NRXN2: variants seen among roughly 807,000 people sequenced by gnomAD.
NRXN2 encodes the protein neurexin 2.
NRXN2 carries 29 observed loss-of-function variants against 128.8 expected under a neutral mutation model. The observed-to-expected ratio is 0.23, with a 90% confidence interval of 0.17 to 0.31. The LOEUF is 0.31. Ranked by LOEUF, NRXN2 falls within the 10% of genes least tolerant of loss-of-function variation. The pLI, the probability that NRXN2 is intolerant of heterozygous loss-of-function variation, is 1.00. For synonymous variants in NRXN2, 1,098 were observed against 1,075.2 expected (o/e 1.02, Z -0.41); for missense variants, 1,881 against 2,452.6 (o/e 0.77, Z 4.92).
At chr11:64,614,403 C>T (rs1479614289) in intron 22 of NRXN2, among the ~76,000 whole-genome samples, 1 of 152,174 alleles carries the variant, frequency 6.6e-6, no homozygotes, top group Non-Finnish European at 1.5e-5. Flanking sequence ...ACCCTTGGGC[C>T]CCAAATCTGC....
At chr11:64,716,090 TC>T (rs2057295994) in intron 1 of NRXN2, among the ~76,000 whole-genome samples, 2 of 152,118 alleles carry the variant, frequency 1.3e-5, no homozygotes, top group African/African-American at 2.4e-5. Flanking sequence ...CCTCCCTTCC[TC>T]CTTCCCTGCT....
At position 64,660,641 on chromosome 11, in the gene NRXN2, T is replaced by C; in HGVS notation, c.2186-106A>G. The C allele has an allele frequency of 1.3e-6, 2 of 1,590,730 alleles. No individual in the cohort carries two copies. Among genetic ancestry groups the C allele is most frequent in the East Asian group, 2.2e-5 (1 of 44,806 alleles). On this transcript the variant is annotated intron_variant, in intron 10 of 22. Transcript: ENST00000265459. The surrounding 1 kb of genome is among the most constrained non-coding windows in gnomAD (Gnocchi z 5.2). ...GGGCGAAAAGCCTAGGGCAGGTCTA[T>C]GAGGGGTTCCCCTAGGAGGAGGTGG...
intron 22 of NRXN2, among the ~76,000 whole-genome samples, chr11:64,616,212 C>G (rs376505294): frequency 3.2e-4 from 48 of 152,126 alleles, no homozygotes; most frequent in Non-Finnish European, 5.7e-4. Flanking sequence ...TGTGGGCATG[C>G]CTCTGGGGGT....
chr11:64,696,308 T>C (rs2054513243), intron 3 of NRXN2, among the ~76,000 whole-genome samples: 1 of 151,526 alleles, frequency 6.6e-6, no homozygotes, highest in Admixed American at 6.6e-5. Flanking sequence ...CAAACACAGA[T>C]GCAGACACAC....
At position 64,623,086 on chromosome 11, in the gene NRXN2, G is replaced by T. The variant is rs1419141286; in HGVS notation, c.3848-8C>A. On this transcript the variant is annotated splice_polypyrimidine_tract_variant and splice_region_variant and intron_variant, in intron 20 of 22. Transcript: ENST00000265459. This position sits in a 1 kb window ranked among gnomAD's most constrained non-coding sequence, Gnocchi z 4.9. ...AGATGGTCAGCTGGCGGCCTTGCAG[G>T]AGTGGAAGGGGGTGACAGAGAAGGG... The T allele has an allele frequency of 6.3e-7, 1 of 1,593,202 alleles. No individual in the cohort carries two copies. The highest frequency in any genetic ancestry group is 1.3e-5 in the African/African-American group (1 of 74,814).
chr11:64,638,319 G>A (rs1228134978), intron 17 of NRXN2, among the ~76,000 whole-genome samples: 2 of 152,232 alleles, frequency 1.3e-5, no homozygotes, highest in Non-Finnish European at 2.9e-5. Context: ...GGCAGAAGAG[G>A]TGAAGGATGA....
In NRXN2 at chr11:64,630,371, C is replaced by A; in HGVS notation, c.3757+31G>T. The A allele has an allele frequency of 6.3e-7, 1 of 1,597,476 alleles. No homozygotes were observed. Among genetic ancestry groups the A allele is most frequent in the South Asian group, 1.1e-5 (1 of 90,668 alleles). On this transcript the variant is annotated intron_variant, in intron 19 of 22. Transcript: ENST00000265459. This position sits in a 1 kb window ranked among gnomAD's most constrained non-coding sequence, Gnocchi z 4.6. ...CAGAGGCCGCCACCCGCCCCGCCAC[C>A]GCGCCTCCTCCGCGGGCCCGCGCCG...
In NRXN2 at chr11:64,607,732, G is replaced by T; in HGVS notation, c.4603C>A (p.Arg1535=). 1 of 1,570,388 alleles carries T rather than the reference G, an allele frequency of 6.4e-7. No homozygotes were observed. Among genetic ancestry groups the T allele is most frequent in the African/African-American group, 1.4e-5 (1 of 73,888 alleles). Residue 1535 remains arginine (R), a synonymous_variant, in exon 23 of 23, where the codon CGG becomes AGG. Transcript: ENST00000265459. Reference sequence around the variant, plus strand: ...GCCCCATCTGTCCTGAGGTTGGGCCGGGGAGCGGGTTTGCGGGGTGACAGG... The same window carrying T: ...GCCCCATCTGTCCTGAGGTTGGGCCTGGGAGCGGGTTTGCGGGGTGACAGG... ...TLLSPRKPAP[R]PNLRTDGATG...
At chr11:64,704,623 C>CACACACACACAG (rs1336665936) in intron 2 of NRXN2, among the ~76,000 whole-genome samples, 7 of 81,178 alleles carry the variant, frequency 8.6e-5, no homozygotes, top group African/African-American at 2.4e-4. Context: ...CACACACACA[C>CACACACACACAG]AGAGAGAGAG....
intron 22 of NRXN2, among the ~76,000 whole-genome samples, chr11:64,614,237 G>GTT (rs1396561216): frequency 6.6e-6 from 1 of 152,216 alleles, no homozygotes. Context: ...AGATTTAGGG[G>GTT]TTGCCCCCCG....
intron 20 of NRXN2, among the ~76,000 whole-genome samples, chr11:64,624,277 TCTCTGGGACACCCAGGC>T (rs2042785086): frequency 1.3e-5 from 2 of 152,316 alleles, no homozygotes; most frequent in South Asian, 2.1e-4. Flanking sequence ...GGAAACAGGT[TCTCTGGGACACCCAGGC>T]CTCTGGGACA....
intron 17 of NRXN2, among the ~76,000 whole-genome samples, chr11:64,638,093 C>T (rs1368624984): frequency 6.6e-6 from 1 of 152,180 alleles, no homozygotes; most frequent in Non-Finnish European, 1.5e-5. Flanking sequence ...CCAGGGAAGG[C>T]GGCCCCAGGA....
At chr11:64,678,167 G>C (rs1362617313) in intron 6 of NRXN2, among the ~76,000 whole-genome samples, 1 of 152,036 alleles carries the variant, frequency 6.6e-6, no homozygotes, top group Non-Finnish European at 1.5e-5. Flanking sequence ...CCAGAACAGG[G>C]AAAAGGAAAT....
At chr11:64,692,747 G>T in intron 4 of NRXN2, 100 bp downstream of exon 4, 2 of 1,256,908 alleles carry the variant, frequency 1.6e-6, no homozygotes, top group East Asian at 2.3e-5. Flanking sequence ...ACAGGTGGAG[G>T]AGGGGAAGGG....
chr11:64,683,844 A>G (rs912883333), intron 6 of NRXN2, among the ~76,000 whole-genome samples: 1 of 152,048 alleles, frequency 6.6e-6, no homozygotes, highest in Non-Finnish European at 1.5e-5. Flanking sequence ...CCCCAGGAAG[A>G]AGCAGCCGAG....
intron 9 of NRXN2, among the ~76,000 whole-genome samples, chr11:64,662,461 C>A (rs1288949201): frequency 1.3e-5 from 2 of 152,156 alleles, no homozygotes; most frequent in African/African-American, 4.8e-5. Flanking sequence ...CTTCCTCTGT[C>A]CTTTTTCAAG....
Position 64,688,582 on chromosome 11 carries a change from C to G in NRXN2, c.850+1823G>C, listed in dbSNP as rs760561297. ...GCCCTGAAGCACCAGGGGGCGCTCT[C>G]CCCTATCTCGCCGGTCTGGCGCGAC... On this transcript the variant is annotated intron_variant, in intron 5 of 22. Transcript: ENST00000265459. 4.1e-6 allele frequency: 4 copies of G among 985,270 alleles called. No homozygotes were observed. In the African/African-American group the frequency reaches 5.2e-5, roughly 13 times the overall value. 61.0% of individuals were successfully genotyped at this position (985,270 alleles called of 1,614,324 possible).
chr11:64,705,411 C>G (rs2056129025), intron 2 of NRXN2, among the ~76,000 whole-genome samples: 1 of 152,138 alleles, frequency 6.6e-6, no homozygotes, highest in African/African-American at 2.4e-5. Context: ...CGAAGACACC[C>G]AGCAAATGCT....
At chr11:64,687,171 A>G (rs1301178135) in intron 5 of NRXN2, among the ~76,000 whole-genome samples, 1 of 152,212 alleles carries the variant, frequency 6.6e-6, no homozygotes, top group Non-Finnish European at 1.5e-5. Flanking sequence ...AAATGCAGGA[A>G]TTCTCAATAG....
Sources: gnomAD v4.1 joint callset for allele counts (sites outside exome capture counted in the v4.1 genomes callset) on GRCh38, gnomAD v4.1.1 for gene constraint, Gnocchi (gnomAD v3.1) non-coding constraint, MANE v1.5 for transcripts, NCBI Gene and HGNC (gene_info 2026-07-23, HGNC 2026-07-21) for gene names.